Variants in ALDH5A1 observed in about 807,000 individuals in gnomAD.
ALDH5A1 encodes aldehyde dehydrogenase 5 family member A1.
Under a neutral mutation model 54.7 loss-of-function variants are expected in ALDH5A1, and 33 were observed. The ratio of observed to expected loss-of-function variants is 0.60; its 90% CI spans 0.46 to 0.81. ALDH5A1 has a LOEUF of 0.81. ALDH5A1 is among the 30% of genes least tolerant of loss of function. ALDH5A1 has a pLI of 0.00. For synonymous variants in ALDH5A1, 294 were observed against 292.7 expected (o/e 1.00, Z -0.05); for missense variants, 657 against 711.0 (o/e 0.92, Z 0.86).
chr6:24,533,461 T>C, intron 9 of ALDH5A1, 46 bp from the exon 10 acceptor site: 1 of 1,600,380 alleles, frequency 6.2e-7, no homozygotes, highest in Non-Finnish European at 8.6e-7. Flanking sequence ...ATGATGTCTT[T>C]AATGACTCTT....
intron 9 of ALDH5A1, among the ~76,000 whole-genome samples, chr6:24,533,291 T>C (rs1759970466): frequency 6.6e-6 from 1 of 152,006 alleles, no homozygotes; most frequent in Non-Finnish European, 1.5e-5. Context: ...AGGGTCTCGA[T>C]AGGAGATAGT....
chr6:24,505,883 G>A lies in ALDH5A1; in HGVS notation c.726+898G>A, dbSNP rs927204232. On this transcript the variant is annotated intron_variant, in intron 4 of 9. Coordinates refer to ENST00000357578, the MANE Select transcript of ALDH5A1 (RefSeq NM_001080.3). The stretch of plus-strand genomic sequence containing the variant: ...CTCAAGAGGCTGAGGCAGGAGAATC[G>A]CTTGAACCCTGGGGGCGGAGATTGC... Among the ~76,000 whole-genome samples, 11 of 151,890 alleles carry A rather than the reference G, an allele frequency of 7.2e-5. 1 individual carries two copies. Among genetic ancestry groups the A allele is most frequent in the Admixed American group, 2.6e-4 (4 of 15,240 alleles).
At position 24,515,339 on chromosome 6, in the gene ALDH5A1, A is replaced by C. The variant is rs765801290; in HGVS notation, c.870+29A>C. On this transcript the variant is annotated intron_variant, in intron 5 of 9. Coordinates refer to ENST00000357578, the MANE Select transcript of ALDH5A1 (RefSeq NM_001080.3). ...TGTGACTCAAGTTTCAAAGAAAACA[A>C]ATGTCTTTCTAATATTTTATCTTGA... 3 of 1,609,746 alleles carry C rather than the reference A, an allele frequency of 1.9e-6. No homozygotes were observed. The South Asian group carries it at 3.3e-5, about 18-fold the overall frequency.
intron 7 of ALDH5A1, 94 bp from the exon 8 acceptor site, chr6:24,527,902 AG>A: frequency 6.9e-7 from 1 of 1,444,568 alleles, no homozygotes; most frequent in South Asian, 1.2e-5. Context: ...TTTTTGAAAA[AG>A]AAAAAAAAAT....
chr6:24,520,621 T>C, intron 6 of ALDH5A1, 77 bp downstream of exon 6: 5 of 1,572,558 alleles, frequency 3.2e-6, no homozygotes, highest in Non-Finnish European at 4.3e-6. Context: ...GTGTGTGATA[T>C]GTGTGCATGT....
chr6:24,523,170 T>A (rs1296586533), intron 7 of ALDH5A1, among the ~76,000 whole-genome samples: 1 of 152,044 alleles, frequency 6.6e-6, no homozygotes, highest in Non-Finnish European at 1.5e-5. Context: ...ACGTTCCCAG[T>A]ATAAAGAAAT....
chr6:24,508,375 A>AAT (rs1759398653), intron 4 of ALDH5A1, among the ~76,000 whole-genome samples: 1 of 51,850 alleles, frequency 1.9e-5, no homozygotes, highest in African/African-American at 6.0e-5. Context: ...AAAAAAAAAA[A>AAT]AAAAAAAAAA....
intron 4 of ALDH5A1, among the ~76,000 whole-genome samples, chr6:24,505,920 A>T (rs1213787255): frequency 7.1e-6 from 1 of 141,618 alleles, no homozygotes; most frequent in Non-Finnish European, 1.6e-5. Flanking sequence ...GTGAGCCGAG[A>T]TGGTGTCACT....
intron 1 of ALDH5A1, among the ~76,000 whole-genome samples, chr6:24,501,263 A>T (rs888730084): frequency 1.3e-5 from 2 of 152,220 alleles, no homozygotes; most frequent in Non-Finnish European, 2.9e-5. Flanking sequence ...TTAGAAAAAA[A>T]GTATTTGTTA....
intron 1 of ALDH5A1, among the ~76,000 whole-genome samples, chr6:24,496,859 T>G (rs945631118): frequency 2.7e-4 from 41 of 152,176 alleles, no homozygotes; most frequent in African/African-American, 9.9e-4. Context: ...TATTTCCAAA[T>G]GCACTCACAT....
rs1263250909 is a variant in ALDH5A1, at chr6:24,518,424, C to T, written c.871-1977C>T. The stretch of plus-strand genomic sequence containing the variant: ...AGGACACTGTCAGAGGACACAGAGC[C>T]AGTGCAGGTGGAGGGACAGACACCA... On this transcript the variant is annotated intron_variant, in intron 5 of 9. Coordinates refer to ENST00000357578, the MANE Select transcript of ALDH5A1 (RefSeq NM_001080.3). The surrounding 1 kb of genome is among the most constrained non-coding windows in gnomAD (Gnocchi z 4.2). Among the ~76,000 whole-genome samples the T allele has an allele frequency of 6.6e-6, 1 of 152,118 alleles. No individual in the cohort carries two copies. The highest frequency in any genetic ancestry group is 1.5e-5 in the Non-Finnish European group (1 of 68,022).
intron 7 of ALDH5A1, among the ~76,000 whole-genome samples, 188 bp downstream of exon 7, chr6:24,523,113 T>C (rs544498187): frequency 2.6e-5 from 4 of 152,186 alleles, no homozygotes; most frequent in East Asian, 1.9e-4. Flanking sequence ...TTAGCAACAA[T>C]GTATTGTATA....
At chr6:24,516,147 C>G (rs969875321) in intron 5 of ALDH5A1, among the ~76,000 whole-genome samples, 2 of 151,606 alleles carry the variant, frequency 1.3e-5, no homozygotes, top group African/African-American at 4.8e-5. Flanking sequence ...TTTAAATGTC[C>G]AAAAGAGGGC....
intron 8 of ALDH5A1, among the ~76,000 whole-genome samples, chr6:24,530,955 G>A (rs369714803): frequency 5.9e-5 from 9 of 152,212 alleles, no homozygotes; most frequent in African/African-American, 1.4e-4. Context: ...TCGCTCTCAC[G>A]TGAGGCCATC....
rs558912333 is a variant in ALDH5A1, at chr6:24,499,848, A to C, written c.355-2675A>C. On this transcript the variant is annotated intron_variant, in intron 1 of 9. Coordinates refer to ENST00000357578, the MANE Select transcript of ALDH5A1 (RefSeq NM_001080.3). ...TAATTTTTTTGTATTTTTAGTAGAGACGGGGTTTCACCGTGTTAGCCAGGA... is the reference window on the plus strand; with the variant it reads ...TAATTTTTTTGTATTTTTAGTAGAGCCGGGGTTTCACCGTGTTAGCCAGGA... Among the ~76,000 whole-genome samples the C allele has an allele frequency of 2.0e-5, 3 of 151,904 alleles. No individual in the cohort carries two copies. The East Asian group carries it at 5.8e-4, about 29-fold the overall frequency.
At chr6:24,528,238 C>T (rs1759860356) in intron 8 of ALDH5A1, 72 bp downstream of exon 8, 1 of 1,583,512 alleles carries the variant, frequency 6.3e-7, no homozygotes, top group Non-Finnish European at 8.6e-7. Flanking sequence ...GAAAGAGATT[C>T]CTGGGCTGCT....
At chr6:24,516,597 A>G (rs1262304413) in intron 5 of ALDH5A1, among the ~76,000 whole-genome samples, 1 of 152,080 alleles carries the variant, frequency 6.6e-6, no homozygotes, top group African/African-American at 2.4e-5. Flanking sequence ...ATACACATAT[A>G]TGTATCTGTA....
At chr6:24,527,769 G>A (rs887784128) in intron 7 of ALDH5A1, among the ~76,000 whole-genome samples, 1 of 152,164 alleles carries the variant, frequency 6.6e-6, no homozygotes, top group African/African-American at 2.4e-5. Flanking sequence ...CAACAAATAG[G>A]AAGATCAAAC....
chr6:24,526,966 G>A (rs1320700423), intron 7 of ALDH5A1, among the ~76,000 whole-genome samples: 132 of 7,084 alleles, frequency 0.019, 7 homozygotes, highest in African/African-American at 0.031. Flanking sequence ...ATATATATAT[G>A]TGTGTGTGTA....
Sources: gnomAD v4.1 joint callset for allele counts (sites outside exome capture counted in the v4.1 genomes callset) on GRCh38, gnomAD v4.1.1 for gene constraint, Gnocchi (gnomAD v3.1) non-coding constraint, MANE v1.5 for transcripts, NCBI Gene and HGNC (gene_info 2026-07-23, HGNC 2026-07-21) for gene names.